The following LCOR variants were observed in gnomAD, a reference collection of about 807,000 sequenced individuals.
LCOR encodes ligand dependent nuclear receptor corepressor, also known as ligand-dependent corepressor.
In LCOR, 14 loss-of-function variants were observed where a neutral mutation model predicts 64.4. The observed-to-expected ratio is 0.22, with a 90% CI of 0.14 to 0.34. LCOR has a LOEUF of 0.34. Ranked by LOEUF, LCOR falls within the 10% of genes least tolerant of loss-of-function variation. The pLI is 1.00. For missense variants in LCOR, 1,686 were observed against 1,765.3 expected (o/e 0.96, Z 0.80); for synonymous variants, 643 against 642.5 (o/e 1.00, Z -0.01).
intron 2 of LCOR, among the ~76,000 whole-genome samples, chr10:96,897,101 CAAAA>C (rs370380714): frequency 1.3e-4 from 10 of 78,856 alleles, no homozygotes; most frequent in African/African-American, 3.7e-4. Context: ...GAAAGAAAAG[CAAAA>C]AAAAAAAAAA....
intron 2 of LCOR, among the ~76,000 whole-genome samples, chr10:96,861,439 C>T (rs967414526): frequency 5.9e-5 from 9 of 152,174 alleles, no homozygotes; most frequent in African/African-American, 2.2e-4. Flanking sequence ...TAATCACAAT[C>T]TTCAACACAG....
At chr10:96,901,056 G>GC (rs1463054906) in intron 2 of LCOR, among the ~76,000 whole-genome samples, 2 of 151,970 alleles carry the variant, frequency 1.3e-5, no homozygotes, top group African/African-American at 2.4e-5. Context: ...AGGCGTGGTG[G>GC]CGGGCGCCTA....
intron 2 of LCOR, among the ~76,000 whole-genome samples, chr10:96,902,999 A>G (rs935201895): frequency 6.6e-6 from 1 of 152,206 alleles, no homozygotes; most frequent in Non-Finnish European, 1.5e-5. Flanking sequence ...TGTACAGCAC[A>G]TTACTGTACT....
intron 2 of LCOR, among the ~76,000 whole-genome samples, chr10:96,856,802 A>C (rs1589609129): frequency 6.6e-6 from 1 of 151,546 alleles, no homozygotes; most frequent in Non-Finnish European, 1.5e-5. Flanking sequence ...CTAGAAAGAT[A>C]CCTCCGTAAG....
intron 2 of LCOR, among the ~76,000 whole-genome samples, chr10:96,880,939 T>TTTCTTA (rs1846252688): frequency 6.6e-6 from 1 of 152,236 alleles, no homozygotes; most frequent in Non-Finnish European, 1.5e-5. Context: ...ATAACTAATA[T>TTTCTTA]TGAAGATGCA....
At chr10:96,925,236 C>T (rs1244458460) in intron 4 of LCOR, among the ~76,000 whole-genome samples, 2 of 151,968 alleles carry the variant, frequency 1.3e-5, no homozygotes, top group Admixed American at 6.6e-5. Context: ...CCACCACGCT[C>T]AGCTAATTTT....
intron 2 of LCOR, among the ~76,000 whole-genome samples, chr10:96,835,621 G>A (rs1227239492): frequency 1.3e-5 from 2 of 152,150 alleles, no homozygotes; most frequent in African/African-American, 2.4e-5. Context: ...TTTTTAGTGG[G>A]ATTGGTTCTA....
intron 2 of LCOR, among the ~76,000 whole-genome samples, chr10:96,889,169 C>T (rs191099081): frequency 1.5e-3 from 224 of 152,322 alleles, no homozygotes; most frequent in Admixed American, 5.2e-3. Context: ...TTCCATATTT[C>T]CTCCATAATA....
At chr10:96,913,990 G>A (rs899953120) in intron 4 of LCOR, among the ~76,000 whole-genome samples, 26 of 152,140 alleles carry the variant, frequency 1.7e-4, no homozygotes, top group African/African-American at 6.3e-4. Flanking sequence ...GCACATCCTG[G>A]TTGGAACAGG....
Position 96,986,262 on chromosome 10 carries a change from G to A in LCOR, c.*1128G>A, listed in dbSNP as rs1263537156. ...TTAGCAAAGGACAGATGGTTTAAAAGTAGCCCAGTGTCTCTGTGAGCATCC... is the reference window on the plus strand; with the variant it reads ...TTAGCAAAGGACAGATGGTTTAAAAATAGCCCAGTGTCTCTGTGAGCATCC... On this transcript the variant is annotated 3_prime_UTR_variant, in exon 8 of 8. Transcript: ENST00000421806. The A allele has an allele frequency of 1.2e-5, 2 of 165,374 alleles. No homozygotes were observed. Among genetic ancestry groups the A allele is most frequent in the East Asian group, 3.8e-4 (2 of 5,202 alleles). 10.2% of individuals were successfully genotyped at this position (165,374 alleles called of 1,614,324 possible). A position where few individuals can be genotyped will look rare whatever the true frequency, so the allele number is the denominator to read the frequency against.
intron 2 of LCOR, 62 bp downstream of exon 2, chr10:96,833,541 T>C (rs1414704579): frequency 2.9e-6 from 2 of 678,030 alleles, no homozygotes; most frequent in African/African-American, 3.9e-5. Flanking sequence ...TCCATCCTTG[T>C]GTCTGACTCT....
intron 2 of LCOR, among the ~76,000 whole-genome samples, chr10:96,872,189 C>G (rs149253520): frequency 4.3e-4 from 65 of 152,334 alleles, no homozygotes; most frequent in Non-Finnish European, 6.9e-4. Context: ...TAGGTGTGAA[C>G]TCTATTGTGA....
intron 7 of LCOR, chr10:96,957,654 A>G: frequency 2.0e-6 from 2 of 985,400 alleles, no homozygotes; most frequent in Non-Finnish European, 1.2e-6. Flanking sequence ...GGAGGTCCAG[A>G]TATTTCCAAG....
intron 2 of LCOR, among the ~76,000 whole-genome samples, chr10:96,846,781 G>C (rs563244938): frequency 6.6e-6 from 1 of 152,090 alleles, no homozygotes; most frequent in Non-Finnish European, 1.5e-5. Context: ...GTTTCAAAAA[G>C]ACCCATGGCT....
intron 4 of LCOR, among the ~76,000 whole-genome samples, chr10:96,914,091 G>C (rs957450326): frequency 6.6e-6 from 1 of 152,150 alleles, no homozygotes; most frequent in African/African-American, 2.4e-5. Flanking sequence ...CATGTAACTA[G>C]ATCTTTTTCA....
chr10:96,886,948 T>C (rs887118641), intron 2 of LCOR, among the ~76,000 whole-genome samples: 3 of 152,204 alleles, frequency 2.0e-5, no homozygotes, highest in East Asian at 3.8e-4. Flanking sequence ...CTTTAATAAA[T>C]AGAGCAAGAA....
chr10:96,953,201 G>T (rs188893142), intron 7 of LCOR, among the ~76,000 whole-genome samples: 1 of 151,536 alleles, frequency 6.6e-6, no homozygotes, highest in South Asian at 2.1e-4. Flanking sequence ...TTTCACTATG[G>T]TTTATACTAG....
intron 2 of LCOR, among the ~76,000 whole-genome samples, chr10:96,856,463 C>G (rs1414901009): frequency 2.0e-5 from 3 of 151,478 alleles, no homozygotes; most frequent in African/African-American, 4.9e-5. Context: ...TACCTCCCCC[C>G]TCCCCCTTCC....
At chr10:96,925,751 C>CTT (rs1340972152) in intron 4 of LCOR, among the ~76,000 whole-genome samples, 1 of 152,192 alleles carries the variant, frequency 6.6e-6, no homozygotes, top group African/African-American at 2.4e-5. Context: ...GCTGTATAAA[C>CTT]ATCTTATCAA....
Sources: allele counts gnomAD v4.1 joint callset (sites outside exome capture counted in the v4.1 genomes callset), GRCh38; gene constraint gnomAD v4.1.1; transcripts MANE v1.5; gene names NCBI Gene and HGNC (gene_info 2026-07-23, HGNC 2026-07-21).